The following ARHGEF16 variants were observed in gnomAD, a reference collection of about 807,000 sequenced individuals.
ARHGEF16 encodes the protein Rho guanine exchange factor (GEF) 16.
In ARHGEF16, 59 loss-of-function variants were observed where a neutral mutation model predicts 74.1. The observed-to-expected ratio is 0.80, with a 90% CI of 0.65 to 0.99. The LOEUF is 0.99. ARHGEF16 is among the 50% of genes least tolerant of loss of function. The pLI is 0.00. For missense variants in ARHGEF16, 948 were observed against 986.6 expected, an observed-to-expected ratio of 0.96 and a Z score of 0.52; for synonymous variants, 415 against 412.6, an observed-to-expected ratio of 1.01 and a Z score of -0.07.
At chr1:3,455,222 G>T (rs554439497) in intron 1 of ARHGEF16, among the ~76,000 whole-genome samples, 8 of 152,276 alleles carry the variant, frequency 5.3e-5, no homozygotes, top group East Asian at 1.9e-4. Flanking sequence ...AGCATGGGGT[G>T]GGGGGCGGAA....
chr1:3,474,069 A>T (rs1399799055), intron 8 of ARHGEF16: 1 of 191,762 alleles, frequency 5.2e-6, no homozygotes, highest in Non-Finnish European at 1.1e-5. Flanking sequence ...ATGTGCACAC[A>T]ATGCATATGT....
intron 6 of ARHGEF16, chr1:3,471,916 G>A (rs757101053): frequency 2.8e-4 from 225 of 803,260 alleles, no homozygotes; most frequent in South Asian, 8.0e-4. Context: ...TCCAGCAACC[G>A]AGGCCTCCCA....
chr1:3,471,651 C>T (rs1228766619), intron 6 of ARHGEF16: 2 of 1,225,180 alleles, frequency 1.6e-6, no homozygotes, highest in Admixed American at 2.9e-5. Context: ...CTGCCTCAGG[C>T]AGCTGCATGT....
rs766238192 is a variant in ARHGEF16, at chr1:3,478,020, A to T, written c.1619A>T (p.Lys540Met). 1 of 1,612,692 alleles carries T rather than the reference A, an allele frequency of 6.2e-7. No individual in the cohort carries two copies. The highest frequency in any genetic ancestry group is 1.7e-5 in the Admixed American group (1 of 60,024). ...LFNDVLVVTK[K>M]KSEESYMVQD... ...AACGATGTCCTGGTTGTGACCAAGAAGAAGAGGTGGCCTTAGGGCAGGAGG... is the reference window on the plus strand; with the variant it reads ...AACGATGTCCTGGTTGTGACCAAGATGAAGAGGTGGCCTTAGGGCAGGAGG... Residue 540 changes from lysine (K) to methionine (M), a missense_variant, in exon 11 of 15, where the codon AAG becomes ATG. Physicochemically the swap from Lys to Met is moderately conservative, Grantham distance 95 (BLOSUM62 -1). Transcript: ENST00000378378.
At chr1:3,465,871 G>A (rs539213475) in intron 2 of ARHGEF16, 29 of 450,634 alleles carry the variant, frequency 6.4e-5, no homozygotes, top group East Asian at 3.7e-4. Context: ...GCCCTGCCAC[G>A]GGCCTGCTCG....
chr1:3,476,510 T>C (rs576251984), intron 10 of ARHGEF16, among the ~76,000 whole-genome samples: 1 of 152,218 alleles, frequency 6.6e-6, no homozygotes, highest in East Asian at 1.9e-4. Flanking sequence ...TGTTTCCCAG[T>C]GAGGCTTGGA....
intron 8 of ARHGEF16, 91 bp from the exon 9 acceptor site, chr1:3,474,617 T>G: frequency 2.3e-6 from 3 of 1,285,184 alleles, no homozygotes; most frequent in Non-Finnish European, 3.4e-6. Flanking sequence ...TTGACCACCC[T>G]GCAGCCCCAC....
At chr1:3,457,312 G>A (rs1639286436) in intron 1 of ARHGEF16, among the ~76,000 whole-genome samples, 1 of 152,258 alleles carries the variant, frequency 6.6e-6, no homozygotes, top group Admixed American at 6.5e-5. Flanking sequence ...GCGCCCCACT[G>A]GGCCGAGTGG....
chr1:3,474,580 C>T, intron 8 of ARHGEF16, 128 bp from the exon 9 acceptor site: 1 of 813,834 alleles, frequency 1.2e-6, no homozygotes, highest in Non-Finnish European at 2.1e-6. Context: ...GCTGTGGGGC[C>T]CTGCAGGAGC....
In ARHGEF16 at chr1:3,479,889, G is replaced by A. The variant is rs922995832; in HGVS notation, c.1966G>A (p.Val656Ile). 2 of 1,612,190 alleles carry A rather than the reference G, an allele frequency of 1.2e-6. No homozygotes were observed. Among genetic ancestry groups the A allele is most frequent in the African/African-American group, 2.7e-5 (2 of 74,920 alleles). The change falls in exon 14 of 15, where the codon GTC (valine) becomes ATC (isoleucine). Residue 656 changes from valine (V) to isoleucine (I), a missense_variant. Physicochemically the swap from Val to Ile is conservative, Grantham distance 29. Transcript: ENST00000378378. ...DEVTLQQADVVLVLQQEDGWL... is the reference protein window; with the variant it reads ...DEVTLQQADVILVLQQEDGWL... ...GGTCACACTGCAGCAGGCGGACGTG[G>A]TCCTGGTTCTGCAGCAGGAGGATGG...
intron 1 of ARHGEF16, among the ~76,000 whole-genome samples, chr1:3,456,261 C>T (rs946543184): frequency 6.6e-5 from 10 of 152,224 alleles, no homozygotes; most frequent in Non-Finnish European, 1.2e-4. Context: ...CAGTGAGAAG[C>T]GGCGTGCCAG....
chr1:3,478,572 G>A lies in ARHGEF16; in HGVS notation c.1774G>A (p.Glu592Lys), dbSNP rs774317323. 20 of 1,612,422 alleles carry A rather than the reference G, an allele frequency of 1.2e-5. No homozygotes were observed. Among genetic ancestry groups the A allele is most frequent in the Non-Finnish European group, 1.6e-5 (19 of 1,179,766 alleles). Reference protein sequence around the residue: ...PFQVTLLRNSEGRQEQLLLSS... With the variant: ...PFQVTLLRNSKGRQEQLLLSS... Reference sequence around the variant, plus strand: ...CCAGGTGACCCTGCTTCGCAACAGCGAGGGCCGCCAGGAGCAGCTCCTGCT... The same window carrying A: ...CCAGGTGACCCTGCTTCGCAACAGCAAGGGCCGCCAGGAGCAGCTCCTGCT... The change falls in exon 12 of 15, where the codon GAG (glutamate) becomes AAG (lysine). Residue 592 changes from glutamate to lysine, a missense_variant. Glu to Lys is a moderately conservative substitution (Grantham distance 56). Coordinates refer to ENST00000378378, the MANE Select transcript of ARHGEF16 (RefSeq NM_014448.4).
Position 3,469,606 on chromosome 1 carries a change from C to G in ARHGEF16, c.1022+13C>G. On this transcript the variant is annotated intron_variant, in intron 6 of 14. Transcript: ENST00000378378. ...GTGCCAGTCAGAGGTGAGGCCACGC[C>G]ACAGCCTTCCACACAGGGTCCTCTG... 6.2e-7 allele frequency: 1 copy of G among 1,612,400 alleles called. No individual in the cohort carries two copies. The highest frequency in any genetic ancestry group is 8.5e-7 in the Non-Finnish European group (1 of 1,179,844).
chr1:3,459,304 G>T (rs774318276), intron 1 of ARHGEF16, among the ~76,000 whole-genome samples: 10 of 152,316 alleles, frequency 6.6e-5, no homozygotes, highest in Non-Finnish European at 1.5e-5. Flanking sequence ...GTTGTGATCC[G>T]AGAAAGAGAT....
chr1:3,471,890 GT>G, intron 6 of ARHGEF16: 1 of 956,382 alleles, frequency 1.0e-6, no homozygotes, highest in Non-Finnish European at 1.3e-6. Flanking sequence ...ACGTACGCAT[GT>G]CGTGGCCCTG....
At chr1:3,465,482 G>T (rs1376394430) in intron 2 of ARHGEF16, among the ~76,000 whole-genome samples, 1 of 152,012 alleles carries the variant, frequency 6.6e-6, no homozygotes, top group African/African-American at 2.4e-5. Context: ...GGGGTGCGGG[G>T]CACGGGGCTG....
At chr1:3,469,293 C>T (rs546523210) in intron 5 of ARHGEF16, 140 bp from the exon 6 acceptor site, 7 of 993,270 alleles carry the variant, frequency 7.0e-6, no homozygotes, top group African/African-American at 1.6e-5. Context: ...TTCTGACAGC[C>T]CCATCCAGGG....
Position 3,479,696 on chromosome 1 carries a change from G to A in ARHGEF16, c.1888+106G>A, listed in dbSNP as rs776622258. Reference sequence around the variant, plus strand: ...GGCACCTGGCCTTGTGCTGGGGCCTGGCAGTCGGGGGATGGGGTGCCCCGG... The same window carrying A: ...GGCACCTGGCCTTGTGCTGGGGCCTAGCAGTCGGGGGATGGGGTGCCCCGG... On this transcript the variant is annotated intron_variant, in intron 13 of 14. Transcript: ENST00000378378. 5.4e-4 allele frequency: 848 copies of A among 1,556,670 alleles called. 1 individual carries two copies. The highest frequency in any genetic ancestry group is 7.0e-4 in the Non-Finnish European group (795 of 1,141,680).
chr1:3,479,785 C>T (rs924782214), intron 13 of ARHGEF16, 27 bp from the exon 14 acceptor site: 1 of 1,607,724 alleles, frequency 6.2e-7, no homozygotes, highest in Non-Finnish European at 8.5e-7. Context: ...CTCCCGACAG[C>T]CCTGTGATGG....
Sources: gnomAD v4.1 joint callset for allele counts (sites outside exome capture counted in the v4.1 genomes callset) on GRCh38, gnomAD v4.1.1 for gene constraint, MANE v1.5 for transcripts, NCBI Gene and HGNC (gene_info 2026-07-23, HGNC 2026-07-21) for gene names.